Variants in SYTL3 observed in about 807,000 individuals in gnomAD.
The protein encoded by SYTL3 is synaptotagmin-like protein 3.
In SYTL3, 88 loss-of-function variants were observed where a neutral mutation model predicts 82.1. The observed-to-expected ratio is 1.07, with a 90% CI of 0.90 to 1.28. The LOEUF (loss-of-function observed/expected upper bound fraction) is 1.28. Among genes scored for constraint, SYTL3 ranks in the 50% most tolerant of loss-of-function variants. SYTL3 has a pLI of 0.00. For missense variants in SYTL3, 831 were observed against 757.6 expected (o/e 1.10, Z -1.14); for synonymous variants, 311 against 289.4 (o/e 1.07, Z -0.76).
At chr6:158,685,241 T>C (rs1343366000) in intron 6 of SYTL3, among the ~76,000 whole-genome samples, 1 of 148,188 alleles carries the variant, frequency 6.7e-6, no homozygotes, top group Non-Finnish European at 1.5e-5. Context: ...TTAGATGGAG[T>C]CTCGTTCTGT....
intron 6 of SYTL3, among the ~76,000 whole-genome samples, chr6:158,692,785 A>AG (rs1451154091): frequency 6.6e-6 from 1 of 151,608 alleles, no homozygotes; most frequent in Non-Finnish European, 1.5e-5. Flanking sequence ...AAAAAAAAAA[A>AG]AAAAAAATAC....
At chr6:158,711,666 T>C (rs953469702) in intron 8 of SYTL3, among the ~76,000 whole-genome samples, 10 of 152,340 alleles carry the variant, frequency 6.6e-5, no homozygotes, top group African/African-American at 2.4e-4. Flanking sequence ...GGCTACTCCA[T>C]AGACAGAACA....
intron 11 of SYTL3, among the ~76,000 whole-genome samples, chr6:158,731,110 ATG>A (rs1785346978): frequency 2.0e-5 from 3 of 151,968 alleles, no homozygotes; most frequent in Non-Finnish European, 4.4e-5. Flanking sequence ...AAGTGAAACC[ATG>A]TCTCTACTAA....
chr6:158,718,035 T>C (rs1295379447), intron 9 of SYTL3, 52 bp from the exon 10 acceptor site: 2 of 1,448,786 alleles, frequency 1.4e-6, no homozygotes, highest in African/African-American at 2.9e-5. Flanking sequence ...CTCCCACAAG[T>C]CTCAGCAAAG....
intron 14 of SYTL3, among the ~76,000 whole-genome samples, chr6:158,758,760 C>T (rs1383316914): frequency 6.6e-6 from 1 of 152,154 alleles, no homozygotes; most frequent in East Asian, 1.9e-4. Context: ...CATCCCCTAT[C>T]CAAGGTCAGC....
chr6:158,714,756 C>T (rs1386584312), intron 9 of SYTL3, among the ~76,000 whole-genome samples: 4 of 152,220 alleles, frequency 2.6e-5, no homozygotes. Context: ...CTCGGCTTCT[C>T]TTCATCATCC....
intron 12 of SYTL3, among the ~76,000 whole-genome samples, chr6:158,750,059 G>A (rs1174716883): frequency 6.6e-6 from 1 of 152,170 alleles, no homozygotes; most frequent in Non-Finnish European, 1.5e-5. Context: ...GGAATGATAC[G>A]TAGGATTAGA....
rs760720336 is a variant in SYTL3 at position 158,665,431 on chromosome 6, A to G, written c.147A>G (p.Lys49=). 3.1e-6 allele frequency: 5 copies of G among 1,606,514 alleles called. No homozygotes were observed. Among genetic ancestry groups the G allele is most frequent in the Non-Finnish European group, 8.5e-7 (1 of 1,176,504 alleles). Residue 49 remains lysine, a synonymous_variant, in exon 5 of 18, where the codon AAA becomes AAG. Transcript: ENST00000611299. ...CACACCTGCAGCATCTCCGGTGGAA[A>G]GGAGCGAAGAACACGGACTGGGAGC... ...LKTHLQHLRW[K]GAKNTDWEHK... is the part of the protein sequence containing the mutation.
At chr6:158,759,895 G>T (rs1039952252) in intron 14 of SYTL3, among the ~76,000 whole-genome samples, 12 of 151,850 alleles carry the variant, frequency 7.9e-5, no homozygotes, top group Non-Finnish European at 1.3e-4. Context: ...GAGTTTTTTT[G>T]TGATTTTTTT....
intron 5 of SYTL3, among the ~76,000 whole-genome samples, chr6:158,676,348 C>G (rs1344511788): frequency 6.6e-6 from 1 of 151,962 alleles, no homozygotes; most frequent in Non-Finnish European, 1.5e-5. Flanking sequence ...AACTGGCTAG[C>G]CATATGTAGA....
chr6:158,712,240 C>A (rs777405828), intron 8 of SYTL3, among the ~76,000 whole-genome samples: 187 of 152,258 alleles, frequency 1.2e-3, no homozygotes, highest in Non-Finnish European at 2.0e-3. Flanking sequence ...TATTTGTTCT[C>A]CTTGGGCCCC....
At chr6:158,736,266 G>A (rs1786149289) in intron 11 of SYTL3, among the ~76,000 whole-genome samples, 1 of 152,028 alleles carries the variant, frequency 6.6e-6, no homozygotes, top group African/African-American at 2.4e-5. Flanking sequence ...CAGGAGAATG[G>A]CATGAACCCG....
chr6:158,734,721 G>T (rs970115893), intron 11 of SYTL3, among the ~76,000 whole-genome samples: 15 of 152,182 alleles, frequency 9.9e-5, no homozygotes, highest in African/African-American at 3.4e-4. Flanking sequence ...CATCTGTTGG[G>T]TATTGTCTGT....
chr6:158,720,127 C>T lies in SYTL3; in HGVS notation c.720+1916C>T, dbSNP rs972164281. On this transcript the variant is annotated intron_variant, in intron 10 of 17. Coordinates refer to ENST00000611299, the MANE Select transcript of SYTL3 (RefSeq NM_001242394.2). The stretch of plus-strand genomic sequence containing the variant: ...TTAAAAATTTTAAAAATTGGCCGGG[C>T]ACCATGGCTCATGCCTGTAATCCCA... Among the ~76,000 whole-genome samples, 4 of 151,810 alleles carry T rather than the reference C, an allele frequency of 2.6e-5. No homozygotes were observed. The East Asian group carries it at 7.8e-4, about 29-fold the overall frequency.
chr6:158,653,893 T>G (rs1788356684), intron 2 of SYTL3, among the ~76,000 whole-genome samples: 1 of 152,240 alleles, frequency 6.6e-6, no homozygotes, highest in Non-Finnish European at 1.5e-5. Context: ...GACTGACTGC[T>G]CAGAGACAAT....
At chr6:158,762,430 T>C (rs1251162151) in intron 16 of SYTL3, among the ~76,000 whole-genome samples, 2 of 152,142 alleles carry the variant, frequency 1.3e-5, no homozygotes, top group Admixed American at 1.3e-4. Context: ...AAATCAAGCA[T>C]GAAAATGTGG....
intron 11 of SYTL3, among the ~76,000 whole-genome samples, chr6:158,730,685 G>A (rs1352057294): frequency 6.6e-6 from 1 of 152,162 alleles, no homozygotes; most frequent in African/African-American, 2.4e-5. Context: ...CGCGGGCCAG[G>A]TAACCTCATG....
At chr6:158,763,909 C>T (rs900351131) in intron 17 of SYTL3, among the ~76,000 whole-genome samples, 5 of 152,158 alleles carry the variant, frequency 3.3e-5, no homozygotes, top group South Asian at 2.1e-4. Context: ...GGCAGGGCAC[C>T]GCCGGCATGG....
chr6:158,677,420 G>A (rs1412740159), intron 5 of SYTL3, among the ~76,000 whole-genome samples: 1 of 152,110 alleles, frequency 6.6e-6, no homozygotes, highest in East Asian at 1.9e-4. Context: ...GGAGCGGGGA[G>A]GGATAGCATT....
Sources: gnomAD v4.1 joint callset for allele counts (sites outside exome capture counted in the v4.1 genomes callset) on GRCh38, gnomAD v4.1.1 for gene constraint, MANE v1.5 for transcripts, NCBI Gene and HGNC (gene_info 2026-07-23, HGNC 2026-07-21) for gene names.